The following SCARB2 variants were observed in gnomAD, a reference collection of about 807,000 sequenced individuals.
SCARB2 encodes scavenger receptor class B member 2, also known as lysosome membrane protein 2.
In SCARB2, 29 loss-of-function variants were observed where a neutral mutation model predicts 58.6. The ratio of observed to expected loss-of-function variants is 0.49; its 90% CI spans 0.37 to 0.67. The LOEUF is 0.67. SCARB2 is among the 30% of genes least tolerant of loss of function. The pLI is 0.00. For synonymous variants in SCARB2, 195 were observed against 210.1 expected, an observed-to-expected ratio of 0.93 and a Z score of 0.62; for missense variants, 488 against 578.5, an observed-to-expected ratio of 0.84 and a Z score of 1.60.
At position 76,179,720 on chromosome 4, in the gene SCARB2, T is replaced by G. The variant is rs746432196; in HGVS notation, c.424-15A>C. 1 of 1,605,864 alleles carries G rather than the reference T, an allele frequency of 6.2e-7. No homozygotes were observed. Among genetic ancestry groups the G allele is most frequent in the Non-Finnish European group, 8.5e-7 (1 of 1,173,340 alleles). The stretch of plus-strand genomic sequence containing the variant: ...TCTATGACAGTCTGCGGAGCAGAGG[T>G]ATATTAAGACAGCAGCATCCCCTCC... On this transcript the variant is annotated splice_polypyrimidine_tract_variant and intron_variant, in intron 3 of 11. Transcript: ENST00000264896.
Position 76,176,547 on chromosome 4 carries a change from G to C in SCARB2, c.613-19C>G. The C allele has an allele frequency of 6.6e-7, 1 of 1,513,628 alleles. No individual in the cohort carries two copies. 93.8% of individuals were successfully genotyped at this position (1,513,628 alleles called of 1,614,324 possible). A position where few individuals can be genotyped will look rare whatever the true frequency, so the allele number is the denominator to read the frequency against. On this transcript the variant is annotated intron_variant, in intron 4 of 11. Transcript: ENST00000264896. ...CATTTTTCTGAAAATATGTGAATATGATCATTTAAAGTAACTGTGATAATT... is the reference window on the plus strand; with the variant it reads ...CATTTTTCTGAAAATATGTGAATATCATCATTTAAAGTAACTGTGATAATT...
chr4:76,207,035 AAAT>A, intron 1 of SCARB2, among the ~76,000 whole-genome samples: 1 of 152,348 alleles, frequency 6.6e-6, no homozygotes, highest in East Asian at 1.9e-4. Context: ...TATTCTAAAA[AAAT>A]AATTAAATGA....
At chr4:76,195,672 T>C in intron 2 of SCARB2, 35 bp downstream of exon 2, 1 of 1,602,070 alleles carries the variant, frequency 6.2e-7, no homozygotes, top group Non-Finnish European at 8.6e-7. Context: ...GGTCACTCTG[T>C]ATTTCTTTCA....
chr4:76,234,052 G>T (rs1378865044), intron 1 of SCARB2, among the ~76,000 whole-genome samples: 1 of 152,240 alleles, frequency 6.6e-6, no homozygotes, highest in African/African-American at 2.4e-5. Context: ...GGCCTTTCAG[G>T]CCCAGGGTGT....
At chr4:76,211,742 T>C (rs1000344242) in intron 1 of SCARB2, among the ~76,000 whole-genome samples, 13 of 152,140 alleles carry the variant, frequency 8.5e-5, no homozygotes, top group African/African-American at 3.1e-4. Context: ...AAAAGCAGAA[T>C]AGCGATGTGT....
At chr4:76,192,569 T>C (rs1331154529) in intron 2 of SCARB2, 1 of 152,220 alleles carries the variant, frequency 6.6e-6, no homozygotes, top group Admixed American at 6.5e-5. Context: ...AAGTTGGACC[T>C]TATTTTTAAA....
chr4:76,166,167 A>T, intron 10 of SCARB2, 83 bp downstream of exon 10: 1 of 1,319,282 alleles, frequency 7.6e-7, no homozygotes, highest in Non-Finnish European at 1.1e-6. Context: ...GTCATAACTT[A>T]CATGTAACTA....
intron 1 of SCARB2, among the ~76,000 whole-genome samples, chr4:76,223,717 C>T (rs1048917557): frequency 1.3e-5 from 2 of 152,160 alleles, no homozygotes; most frequent in Admixed American, 6.5e-5. Flanking sequence ...CAGGTTAGTC[C>T]ATAGTCCCTC....
chr4:76,187,915 CTTG>C (rs1267755133), intron 2 of SCARB2, among the ~76,000 whole-genome samples: 8 of 152,048 alleles, frequency 5.3e-5, no homozygotes, highest in Non-Finnish European at 1.0e-4. Flanking sequence ...TCCAGTATTA[CTTG>C]TTATCAATGA....
At chr4:76,172,017 C>T (rs1457496936) in intron 7 of SCARB2, among the ~76,000 whole-genome samples, 2 of 147,388 alleles carry the variant, frequency 1.4e-5, no homozygotes, top group East Asian at 3.9e-4. Context: ...TATATATATA[C>T]TATATACATA....
intron 2 of SCARB2, among the ~76,000 whole-genome samples, chr4:76,188,059 A>G (rs1030267489): frequency 6.6e-6 from 1 of 152,238 alleles, no homozygotes; most frequent in African/African-American, 2.4e-5. Context: ...CTGTAAATTT[A>G]GTAAATACTT....
chr4:76,175,449 A>C, intron 6 of SCARB2: 1 of 345,236 alleles, frequency 2.9e-6, no homozygotes, highest in Non-Finnish European at 5.6e-6. Flanking sequence ...TGGGCTAAGT[A>C]TTTGACTAAT....
At chr4:76,223,759 C>A (rs1040270913) in intron 1 of SCARB2, among the ~76,000 whole-genome samples, 3 of 152,204 alleles carry the variant, frequency 2.0e-5, no homozygotes, top group Non-Finnish European at 4.4e-5. Context: ...TTTTCCATAA[C>A]CCTTCTTCAG....
chr4:76,212,803 G>A (rs548322638), intron 1 of SCARB2, among the ~76,000 whole-genome samples: 2 of 152,232 alleles, frequency 1.3e-5, no homozygotes, highest in African/African-American at 4.8e-5. Context: ...GAAAATTATG[G>A]CCGTTTGAGA....
intron 5 of SCARB2, 32 bp from the exon 6 acceptor site, chr4:76,175,942 A>ATGATCACAT: frequency 3.1e-6 from 5 of 1,612,064 alleles, no homozygotes; most frequent in Non-Finnish European, 3.4e-6. Flanking sequence ...AAGAGTAAAG[A>ATGATCACAT]TGATCACATT....
intron 6 of SCARB2, chr4:76,175,430 G>A (rs1218076691): frequency 9.7e-6 from 3 of 309,342 alleles, no homozygotes; most frequent in African/African-American, 6.5e-5. Context: ...GTTACTGTGT[G>A]ATGGGCCCTG....
At chr4:76,230,933 T>C (rs1387569685) in intron 1 of SCARB2, among the ~76,000 whole-genome samples, 1 of 152,218 alleles carries the variant, frequency 6.6e-6, no homozygotes, top group Non-Finnish European at 1.5e-5. Flanking sequence ...CACGATCACC[T>C]GTGCTGTGCC....
chr4:76,200,508 T>C (rs905514659), intron 1 of SCARB2, among the ~76,000 whole-genome samples: 1 of 152,226 alleles, frequency 6.6e-6, no homozygotes, highest in African/African-American at 2.4e-5. Context: ...TCACCCAATA[T>C]GTACCTACTG....
chr4:76,229,120 T>A (rs1733450430), intron 1 of SCARB2, among the ~76,000 whole-genome samples: 1 of 152,206 alleles, frequency 6.6e-6, no homozygotes, highest in Admixed American at 6.5e-5. Flanking sequence ...CTTGTTCTAT[T>A]GTTGACTTTA....
Sources: gnomAD v4.1 joint callset for allele counts (sites outside exome capture counted in the v4.1 genomes callset) on GRCh38, gnomAD v4.1.1 for gene constraint, MANE v1.5 for transcripts, NCBI Gene and HGNC (gene_info 2026-07-23, HGNC 2026-07-21) for gene names.